Variants in KIF6 observed in about 807,000 individuals in gnomAD.
The protein encoded by KIF6 is kinesin-like protein KIF6.
A neutral mutation model predicts 112.7 loss-of-function variants in KIF6; 106 were observed. That is an observed-to-expected ratio of 0.94 (90% CI 0.80 to 1.11). The LOEUF (loss-of-function observed/expected upper bound fraction) is 1.11, where lower values mean the gene tolerates loss of function less well. Among genes scored for constraint, KIF6 ranks in the 50% least tolerant of loss-of-function variants. The pLI, the probability that KIF6 is intolerant of heterozygous loss-of-function variation, is 0.00. For synonymous variants in KIF6, 339 were observed against 339.9 expected, an observed-to-expected ratio of 1.00 and a Z score of 0.03; for missense variants, 929 against 964.0, an observed-to-expected ratio of 0.96 and a Z score of 0.48.
intron 16 of KIF6, among the ~76,000 whole-genome samples, chr6:39,383,091 A>T (rs1452338091): frequency 6.6e-6 from 1 of 151,922 alleles, no homozygotes; most frequent in East Asian, 1.9e-4. Context: ...TAGTTTGCAA[A>T]TATTTTCTCC....
intron 15 of KIF6, among the ~76,000 whole-genome samples, chr6:39,391,824 T>TA: frequency 6.6e-6 from 1 of 152,324 alleles, no homozygotes; most frequent in African/African-American, 2.4e-5. Flanking sequence ...AGGGTTGAGT[T>TA]AATTTTACTC....
chr6:39,494,275 G>C (rs1775642374), intron 13 of KIF6, among the ~76,000 whole-genome samples: 1 of 152,184 alleles, frequency 6.6e-6, no homozygotes, highest in Non-Finnish European at 1.5e-5. Flanking sequence ...CACTCATTTA[G>C]TTAGCTAAAT....
chr6:39,691,896 C>A (rs1486804928), intron 3 of KIF6: 2 of 152,204 alleles, frequency 1.3e-5, no homozygotes, highest in South Asian at 2.1e-4. Flanking sequence ...ATTCTCACTT[C>A]TTACAGTCAC....
At chr6:39,373,137 C>T (rs1766154836) in intron 16 of KIF6, among the ~76,000 whole-genome samples, 1 of 152,186 alleles carries the variant, frequency 6.6e-6, no homozygotes, top group Admixed American at 6.5e-5. Context: ...ATTTTGTCTT[C>T]TATATGTTTG....
intron 13 of KIF6, among the ~76,000 whole-genome samples, chr6:39,444,247 T>C (rs1772164065): frequency 6.6e-6 from 1 of 152,202 alleles, no homozygotes; most frequent in Non-Finnish European, 1.5e-5. Context: ...TTCTTTTTTT[T>C]TCTTTTTTTG....
intron 13 of KIF6, among the ~76,000 whole-genome samples, chr6:39,484,719 C>A (rs1371003088): frequency 6.6e-6 from 1 of 152,186 alleles, no homozygotes; most frequent in Non-Finnish European, 1.5e-5. Flanking sequence ...GGACTATAAA[C>A]CTTGGGGCTA....
chr6:39,360,987 G>A (rs1765089300), intron 17 of KIF6, among the ~76,000 whole-genome samples: 1 of 152,138 alleles, frequency 6.6e-6, no homozygotes. Flanking sequence ...AGATAACTGA[G>A]GAGCCAGGAT....
intron 16 of KIF6, among the ~76,000 whole-genome samples, chr6:39,372,981 G>C (rs553364830): frequency 3.9e-5 from 6 of 152,288 alleles, no homozygotes; most frequent in African/African-American, 9.6e-5. Flanking sequence ...CAACAGAACT[G>C]TTCCTAGGAA....
chr6:39,548,028 A>G (rs1779157224), intron 10 of KIF6, among the ~76,000 whole-genome samples: 1 of 152,248 alleles, frequency 6.6e-6, no homozygotes, highest in South Asian at 2.1e-4. Flanking sequence ...TGTGGGTTCT[A>G]GAATATACAC....
rs779814201 is a variant in KIF6 at position 39,346,132 on chromosome 6, C to CCTCTCTCTCTCTCT, written c.2231+330_2231+343dup. 4.1e-4 allele frequency among the ~76,000 whole-genome samples: 11 copies of CCTCTCTCTCTCTCT among 26,930 alleles called. 1 individual carries two copies. The highest frequency in any genetic ancestry group is 1.6e-3 in the African/African-American group (11 of 6,758). 17.7% of individuals were successfully genotyped at this position (26,930 alleles called of 152,430 possible). ...CTCCCTCTCCCTCTCCCTCCCTCTC[C>CCTCTCTCTCTCTCT]CTCTCTCTCTCTCTCTCTCTCTCTC... On this transcript the variant is annotated intron_variant, in intron 20 of 22. Coordinates refer to ENST00000287152, the MANE Select transcript of KIF6 (RefSeq NM_145027.6).
Position 39,332,960 on chromosome 6 carries a change from G to A in KIF6, c.*3572C>T, listed in dbSNP as rs908472612. On this transcript the variant is annotated 3_prime_UTR_variant, in exon 23 of 23. Coordinates refer to ENST00000287152, the MANE Select transcript of KIF6 (RefSeq NM_145027.6). ...GGCTGCAGCCTGAAAACTCACTGCA[G>A]GCAGTAAGTTGGAGCAATCATAGGG... 3.9e-5 allele frequency: 6 copies of A among 152,136 alleles called. No individual in the cohort carries two copies. The highest frequency in any genetic ancestry group is 7.3e-5 in the Non-Finnish European group (5 of 68,036). The allele number at this position is 152,136 out of a possible 1,614,324, so 9.4% of individuals were successfully genotyped here. A position where few individuals can be genotyped will look rare whatever the true frequency, so the allele number is the denominator to read the frequency against.
intron 13 of KIF6, among the ~76,000 whole-genome samples, chr6:39,535,531 C>T (rs1412707301): frequency 6.6e-6 from 1 of 152,186 alleles, no homozygotes; most frequent in African/African-American, 2.4e-5. Flanking sequence ...AATATATATG[C>T]AACCAATACA....
intron 13 of KIF6, among the ~76,000 whole-genome samples, chr6:39,448,938 T>C (rs1009448340): frequency 1.8e-4 from 27 of 152,220 alleles, no homozygotes; most frequent in Admixed American, 1.6e-3. Flanking sequence ...ATTGTTTCCA[T>C]ATCAGTAAAT....
chr6:39,429,785 G>A (rs945590407), intron 14 of KIF6, among the ~76,000 whole-genome samples: 2 of 152,084 alleles, frequency 1.3e-5, no homozygotes, highest in Non-Finnish European at 2.9e-5. Flanking sequence ...GCGGGTGCCT[G>A]TAGTCCCAGC....
At chr6:39,609,090 C>T (rs1783053022) in intron 6 of KIF6, among the ~76,000 whole-genome samples, 1 of 152,214 alleles carries the variant, frequency 6.6e-6, no homozygotes, top group Non-Finnish European at 1.5e-5. Context: ...AGGACACACA[C>T]TTGGCAAAGG....
chr6:39,658,562 T>C (rs954323511), intron 3 of KIF6, among the ~76,000 whole-genome samples: 3 of 152,198 alleles, frequency 2.0e-5, no homozygotes, highest in Admixed American at 2.0e-4. Flanking sequence ...TCATTATATA[T>C]AAATTTTTGA....
chr6:39,441,451 CCCTAGCATGT>C (rs1302665865), intron 13 of KIF6, among the ~76,000 whole-genome samples: 3 of 152,176 alleles, frequency 2.0e-5, no homozygotes, highest in Admixed American at 2.0e-4. Flanking sequence ...CAGCATCATG[CCCTAGCATGT>C]GTGTATCACT....
At chr6:39,350,375 C>T (rs962926382) in intron 19 of KIF6, among the ~76,000 whole-genome samples, 1 of 152,076 alleles carries the variant, frequency 6.6e-6, no homozygotes, top group African/African-American at 2.4e-5. Flanking sequence ...GGGGAGTGCA[C>T]GACTCCGACA....
rs116754077 is a variant in KIF6, at chr6:39,396,990, G to A, written c.1811-11318C>T. On this transcript the variant is annotated intron_variant, in intron 15 of 22. Transcript: ENST00000287152. The stretch of plus-strand genomic sequence containing the variant: ...AGGCCTAAATTAACAAGTTATCGTG[G>A]GCCCAGCAGACTTTGCTGAAGTGCC... 2.9e-3 allele frequency among the ~76,000 whole-genome samples: 447 copies of A among 152,112 alleles called. 2 individuals are homozygous for A. Among genetic ancestry groups the A allele is most frequent in the African/African-American group, 9.4e-3 (391 of 41,472 alleles).
Sources: gnomAD v4.1 joint callset for allele counts (sites outside exome capture counted in the v4.1 genomes callset) on GRCh38, gnomAD v4.1.1 for gene constraint, MANE v1.5 for transcripts, NCBI Gene and HGNC (gene_info 2026-07-23, HGNC 2026-07-21) for gene names.